The following NUP210L variants were observed in gnomAD, a reference collection of about 807,000 sequenced individuals.
NUP210L encodes the protein nuclear pore membrane glycoprotein 210-like.
In NUP210L, 74 loss-of-function variants were observed where a neutral mutation model predicts 208.5. That is an observed-to-expected ratio of 0.35 (90% CI 0.29 to 0.43). The LOEUF is 0.43. Ranked by LOEUF, NUP210L falls within the 20% of genes least tolerant of loss-of-function variation. The pLI, the probability that NUP210L is intolerant of heterozygous loss-of-function variation, is 1.00. For synonymous variants in NUP210L, 780 were observed against 816.9 expected (o/e 0.95, Z 0.77); for missense variants, 1,843 against 2,289.4 (o/e 0.81, Z 3.98).
intron 25 of NUP210L, among the ~76,000 whole-genome samples, chr1:154,051,462 C>T (rs968738179): frequency 6.6e-6 from 1 of 152,154 alleles, no homozygotes; most frequent in South Asian, 2.1e-4. Context: ...TATCCAACTG[C>T]CTCAGCCTCC....
At chr1:154,006,232 G>A (rs1432662582) in intron 35 of NUP210L, among the ~76,000 whole-genome samples, 2 of 151,900 alleles carry the variant, frequency 1.3e-5, no homozygotes, top group Non-Finnish European at 2.9e-5. Context: ...AGGCTAGGGT[G>A]TAGTAGCATT....
intron 17 of NUP210L, among the ~76,000 whole-genome samples, chr1:154,067,929 C>A: frequency 6.6e-6 from 1 of 152,174 alleles, no homozygotes; most frequent in Non-Finnish European, 1.5e-5. Context: ...CAAACCACTG[C>A]TTAACGAAAT....
rs371124826 is a variant in NUP210L at position 153,992,988 on chromosome 1, C to A, written c.5566+27G>T. Reference sequence around the variant, plus strand: ...ATTAAACGTGTGTATCTGAGCTTTTCAAAGATGAGGACAGAGGCTTTTTTA... The same window carrying A: ...ATTAAACGTGTGTATCTGAGCTTTTAAAAGATGAGGACAGAGGCTTTTTTA... On this transcript the variant is annotated intron_variant, in intron 39 of 39. Transcript: ENST00000368559. 253 of 1,610,344 alleles carry A rather than the reference C, an allele frequency of 1.6e-4. No individual in the cohort carries two copies. In the African/African-American group the frequency reaches 2.9e-3, roughly 18 times the overall value.
chr1:154,000,286 C>G (rs1326750829), intron 37 of NUP210L, among the ~76,000 whole-genome samples: 1 of 152,188 alleles, frequency 6.6e-6, no homozygotes, highest in Non-Finnish European at 1.5e-5. Context: ...ATTAACTAAA[C>G]TGTGATAACA....
intron 25 of NUP210L, among the ~76,000 whole-genome samples, chr1:154,049,730 G>A (rs770830567): frequency 3.9e-5 from 6 of 152,230 alleles, no homozygotes; most frequent in East Asian, 1.9e-4. Flanking sequence ...ACCTATGGGG[G>A]CATTACAGCC....
chr1:154,119,524 G>T (rs1657502013), intron 10 of NUP210L, among the ~76,000 whole-genome samples: 1 of 152,056 alleles, frequency 6.6e-6, no homozygotes. Context: ...GGAGGCGGAG[G>T]TTGCAGTAAG....
chr1:154,124,059 C>T lies in NUP210L; in HGVS notation c.1326+2264G>A, dbSNP rs541326953. Among the ~76,000 whole-genome samples, 9 of 148,478 alleles carry T rather than the reference C, an allele frequency of 6.1e-5. No homozygotes were observed. In the East Asian group the frequency reaches 1.0e-3, roughly 17 times the overall value. ...AAAATTAGCCGGGCGTGGTGGCACACGCCTGTAGTCCTAGCTACTTGGGAG... is the reference window on the plus strand; with the variant it reads ...AAAATTAGCCGGGCGTGGTGGCACATGCCTGTAGTCCTAGCTACTTGGGAG... On this transcript the variant is annotated intron_variant, in intron 10 of 39. Coordinates refer to ENST00000368559, the Ensembl canonical transcript of NUP210L.
intron 8 of NUP210L, among the ~76,000 whole-genome samples, chr1:154,128,654 C>A (rs998186284): frequency 9.9e-5 from 15 of 152,112 alleles, no homozygotes; most frequent in African/African-American, 3.4e-4. Flanking sequence ...AGTTTGAGAC[C>A]AGCCTGGGCA....
At chr1:154,062,471 G>A (rs1037984502) in intron 17 of NUP210L, among the ~76,000 whole-genome samples, 1 of 151,442 alleles carries the variant, frequency 6.6e-6, no homozygotes, top group Non-Finnish European at 1.5e-5. Flanking sequence ...GTATTTGAAG[G>A]CTTCCATATT....
chr1:153,992,931 A>G (rs1270548775), exon 40 of NUP210L: 1 of 1,611,248 alleles, frequency 6.2e-7, no homozygotes, highest in African/African-American at 1.3e-5. Context: ...TGGAGTTAAA[A>G]AAACCTAGAA....
intron 25 of NUP210L, among the ~76,000 whole-genome samples, chr1:154,048,048 C>T (rs1187505233): frequency 6.6e-6 from 1 of 152,130 alleles, no homozygotes; most frequent in African/African-American, 2.4e-5. Flanking sequence ...GGAACATTTT[C>T]ACACTGATGA....
intron 10 of NUP210L, among the ~76,000 whole-genome samples, chr1:154,125,951 G>T (rs1219780599): frequency 6.7e-6 from 1 of 150,080 alleles, no homozygotes; most frequent in African/African-American, 2.4e-5. Context: ...TGTATTTTTA[G>T]TAGAGACGGG....
chr1:154,084,492 A>G (rs1403514304), intron 16 of NUP210L, among the ~76,000 whole-genome samples: 1 of 151,908 alleles, frequency 6.6e-6, no homozygotes, highest in Non-Finnish European at 1.5e-5. Flanking sequence ...GATTAGAAGC[A>G]TGAGCCACCG....
intron 25 of NUP210L, among the ~76,000 whole-genome samples, chr1:154,048,148 G>A (rs918033811): frequency 4.6e-5 from 7 of 152,126 alleles, no homozygotes; most frequent in African/African-American, 7.2e-5. Context: ...AAGAGGAAGA[G>A]GTTCATCCCT....
chr1:154,110,939 AATAATAAAG>A (rs1318217171), intron 12 of NUP210L, among the ~76,000 whole-genome samples: 2 of 151,512 alleles, frequency 1.3e-5, no homozygotes, highest in African/African-American at 4.9e-5. Context: ...TAGTAGAAGA[AATAATAAAG>A]ATCAGAGCGG....
Position 154,060,645 on chromosome 1 carries a change from T to A in NUP210L, c.2749-4A>T. 1 of 1,593,336 alleles carries A rather than the reference T, an allele frequency of 6.3e-7. No homozygotes were observed. The highest frequency in any genetic ancestry group is 8.6e-7 in the Non-Finnish European group (1 of 1,162,190). ...CTTCCACAAGGCTAAATGTTTCCTATGGAAAAATCAGACAAACAATATTCT... is the reference window on the plus strand; with the variant it reads ...CTTCCACAAGGCTAAATGTTTCCTAAGGAAAAATCAGACAAACAATATTCT... On this transcript the variant is annotated splice_region_variant and splice_polypyrimidine_tract_variant and intron_variant, in intron 19 of 39. Transcript: ENST00000368559.
At chr1:154,097,191 A>G (rs191148415) in intron 14 of NUP210L, among the ~76,000 whole-genome samples, 14 of 152,346 alleles carry the variant, frequency 9.2e-5, no homozygotes, top group African/African-American at 3.4e-4. Context: ...ATGTATAGTC[A>G]AAAACTAACC....
chr1:153,997,700 T>TG (rs886300545), intron 37 of NUP210L, among the ~76,000 whole-genome samples: 1 of 147,958 alleles, frequency 6.8e-6, no homozygotes, highest in Non-Finnish European at 1.5e-5. Context: ...TTTGTTTTTT[T>TG]TTTTTTTTTT....
chr1:154,131,054 C>T (rs950545683), intron 7 of NUP210L, among the ~76,000 whole-genome samples: 1 of 151,662 alleles, frequency 6.6e-6, no homozygotes, highest in Non-Finnish European at 1.5e-5. Context: ...ATCACGAGGT[C>T]AGAAGATTGA....
Sources: allele counts gnomAD v4.1 joint callset (sites outside exome capture counted in the v4.1 genomes callset), GRCh38; gene constraint gnomAD v4.1.1; transcripts MANE v1.5; gene names NCBI Gene and HGNC (gene_info 2026-07-23, HGNC 2026-07-21).